The following ZNF236 variants were observed in gnomAD, a reference collection of about 807,000 sequenced individuals.
ZNF236 encodes the protein regulated by glucose.
Under a neutral mutation model 191.2 loss-of-function variants are expected in ZNF236, and 50 were observed. The observed-to-expected ratio is 0.26, with a 90% confidence interval of 0.21 to 0.33. The LOEUF is 0.33. Among genes scored for constraint, ZNF236 ranks in the 10% least tolerant of loss-of-function variants. ZNF236 has a pLI of 1.00. For synonymous variants in ZNF236, 907 were observed against 928.8 expected (o/e 0.98, Z 0.43); for missense variants, 1,754 against 2,374.5 (o/e 0.74, Z 5.43).
chr18:76,926,416 G>A (rs1246048606), intron 22 of ZNF236, among the ~76,000 whole-genome samples: 1 of 152,156 alleles, frequency 6.6e-6, no homozygotes, highest in African/African-American at 2.4e-5. Context: ...ATTAGACAGT[G>A]TATTTGTGTA....
chr18:76,880,984 T>A lies in ZNF236; in HGVS notation c.1189-300T>A, dbSNP rs759404921. On this transcript the variant is annotated intron_variant, in intron 8 of 30. Transcript: ENST00000320610. This position sits in a 1 kb window ranked among gnomAD's most constrained non-coding sequence, Gnocchi z 5.0. ...TTAAAATAGGGATTCCCAAGACTAT[T>A]TAGAGACAACCAAAGTTGTGTGAGG... Among the ~76,000 whole-genome samples, 2 of 152,192 alleles carry A rather than the reference T, an allele frequency of 1.3e-5. No homozygotes were observed. The highest frequency in any genetic ancestry group is 2.9e-5 in the Non-Finnish European group (2 of 68,028).
Position 76,960,151 on chromosome 18 carries a change from A to G in ZNF236, c.5242+335A>G, listed in dbSNP as rs1279157507. ...CCAGTGCCTGGGTCCCATGTCCTCAATGTCACCGGGGAACTTAATTTTTAA... is the reference window on the plus strand; with the variant it reads ...CCAGTGCCTGGGTCCCATGTCCTCAGTGTCACCGGGGAACTTAATTTTTAA... On this transcript the variant is annotated intron_variant, in intron 29 of 30. Coordinates refer to ENST00000320610, the MANE Select transcript of ZNF236 (RefSeq NM_001306089.2). The surrounding 1 kb of genome is among the most constrained non-coding windows in gnomAD (Gnocchi z 4.4). Among the ~76,000 whole-genome samples, 1 of 152,096 alleles carries G rather than the reference A, an allele frequency of 6.6e-6. No individual in the cohort carries two copies. Among genetic ancestry groups the G allele is most frequent in the African/African-American group, 2.4e-5 (1 of 41,402 alleles).
At chr18:76,899,942 C>G (rs936427861) in intron 11 of ZNF236, among the ~76,000 whole-genome samples, 2 of 152,170 alleles carry the variant, frequency 1.3e-5, no homozygotes, top group Admixed American at 6.5e-5. Flanking sequence ...CTAGTGAGGT[C>G]TCTCTTCCTC....
chr18:76,848,790 C>T (rs1184025870), intron 1 of ZNF236, among the ~76,000 whole-genome samples: 6 of 152,080 alleles, frequency 3.9e-5, no homozygotes, highest in Non-Finnish European at 5.9e-5. Context: ...CTCAGCCTCC[C>T]GAATAGGTAG....
chr18:76,849,954 A>G (rs183405777), intron 2 of ZNF236, among the ~76,000 whole-genome samples: 146 of 152,316 alleles, frequency 9.6e-4, no homozygotes, highest in Middle Eastern at 6.8e-3. Flanking sequence ...AGTAGTTTCA[A>G]TTTCCTGTAT....
At chr18:76,882,228 G>A (rs1170298108) in intron 9 of ZNF236, among the ~76,000 whole-genome samples, 1 of 152,058 alleles carries the variant, frequency 6.6e-6, no homozygotes, top group Non-Finnish European at 1.5e-5. Context: ...TCAAATCTTG[G>A]CCGTCATTCA....
In ZNF236 at chr18:76,927,231, A is replaced by G; in HGVS notation, c.4174-46A>G. 1 of 1,611,828 alleles carries G rather than the reference A, an allele frequency of 6.2e-7. No individual in the cohort carries two copies. Among genetic ancestry groups the G allele is most frequent in the Non-Finnish European group, 8.5e-7 (1 of 1,178,036 alleles). Reference sequence around the variant, plus strand: ...TGTGCTGTAATTCTCTTGGCATCACAGAGAAGCATGAAGTTTTCATTACAA... The same window carrying G: ...TGTGCTGTAATTCTCTTGGCATCACGGAGAAGCATGAAGTTTTCATTACAA... On this transcript the variant is annotated intron_variant, in intron 23 of 30. Coordinates refer to ENST00000320610, the MANE Select transcript of ZNF236 (RefSeq NM_001306089.2). The surrounding 1 kb of genome is among the most constrained non-coding windows in gnomAD (Gnocchi z 5.4).
In ZNF236 at chr18:76,915,837, C is replaced by T. The variant is rs765196842; in HGVS notation, c.3252C>T (p.Ala1084=). The T allele has an allele frequency of 5.0e-6, 8 of 1,613,422 alleles. No individual in the cohort carries two copies. In the South Asian group the frequency reaches 8.8e-5, roughly 18 times the overall value. Residue 1084 remains alanine, a synonymous_variant, in exon 19 of 31, where the codon GCC becomes GCT. Coordinates refer to ENST00000320610, the MANE Select transcript of ZNF236 (RefSeq NM_001306089.2). ...RHQTVPSAVS[A]TGETEGGDIC... ...AAACAGTCCCCTCTGCTGTGTCAGC[C>T]ACTGGAGAGACAGAAGGAGGAGGTA...
At chr18:76,928,218 G>T in intron 25 of ZNF236, 112 bp downstream of exon 25, 1 of 771,162 alleles carries the variant, frequency 1.3e-6, no homozygotes, top group Non-Finnish European at 1.8e-6. Flanking sequence ...TGCTCAATAT[G>T]TATTTATAAT....
chr18:76,931,897 A>C (rs912501222), intron 25 of ZNF236, among the ~76,000 whole-genome samples: 10 of 152,198 alleles, frequency 6.6e-5, no homozygotes, highest in African/African-American at 2.4e-4. Context: ...AGGAAAAAAA[A>C]ACTAATCTTC....
rs550566392 is a variant in ZNF236, at chr18:76,960,873, G to A, written c.5419+18G>A. On this transcript the variant is annotated intron_variant, in intron 30 of 30. Coordinates refer to ENST00000320610, the MANE Select transcript of ZNF236 (RefSeq NM_001306089.2). The surrounding 1 kb of genome is among the most constrained non-coding windows in gnomAD (Gnocchi z 4.4). ...CTATGCTGGTGAGAATGCTGCACCCGGGAGTGCGTGCTGTTCGGTGGCCTG... is the reference window on the plus strand; with the variant it reads ...CTATGCTGGTGAGAATGCTGCACCCAGGAGTGCGTGCTGTTCGGTGGCCTG... The A allele has an allele frequency of 1.4e-5, 22 of 1,601,614 alleles. No homozygotes were observed. Among genetic ancestry groups the A allele is most frequent in the Admixed American group, 1.0e-4 (6 of 58,978 alleles).
chr18:76,934,432 T>C (rs1967941613), intron 25 of ZNF236, among the ~76,000 whole-genome samples: 2 of 152,224 alleles, frequency 1.3e-5, no homozygotes, highest in Non-Finnish European at 2.9e-5. Context: ...AGCACAACTT[T>C]TTAAGGAATT....
intron 27 of ZNF236, among the ~76,000 whole-genome samples, chr18:76,953,465 G>A (rs868326181): frequency 3.9e-5 from 6 of 152,292 alleles, no homozygotes; most frequent in South Asian, 2.1e-4. Flanking sequence ...TCACGGCCCC[G>A]TTTTACTCAC....
intron 5 of ZNF236, among the ~76,000 whole-genome samples, chr18:76,873,038 T>A (rs1230645487): frequency 6.6e-6 from 1 of 152,248 alleles, no homozygotes; most frequent in Non-Finnish European, 1.5e-5. Flanking sequence ...CAGTTTTTAT[T>A]TATTTTCTAG....
At chr18:76,826,053 G>GA (rs1209103691) in intron 1 of ZNF236, among the ~76,000 whole-genome samples, 1 of 152,040 alleles carries the variant, frequency 6.6e-6, no homozygotes, top group African/African-American at 2.4e-5. Flanking sequence ...TCATTCCTAA[G>GA]AAAACTCTGC....
rs1442147935 is a variant in ZNF236 at position 76,956,007 on chromosome 18, T to C, written c.4937T>C (p.Leu1646Pro). 2 of 1,610,142 alleles carry C rather than the reference T, an allele frequency of 1.2e-6. No individual in the cohort carries two copies. Among genetic ancestry groups the C allele is most frequent in the Non-Finnish European group, 1.7e-6 (2 of 1,179,404 alleles). ...AYQVAGVSGN[L>P]APGNQPEKEG... Reference sequence around the variant, plus strand: ...CAGGTAGCTGGCGTCTCTGGGAACCTGGCCCCGGGCAACCAGCCAGAGAAG... The same window carrying C: ...CAGGTAGCTGGCGTCTCTGGGAACCCGGCCCCGGGCAACCAGCCAGAGAAG... Residue 1646 changes from leucine (L) to proline (P), a missense_variant, in exon 28 of 31, where the codon CTG (leucine) becomes CCG (proline). Coordinates refer to ENST00000320610, the MANE Select transcript of ZNF236 (RefSeq NM_001306089.2).
At position 76,904,448 on chromosome 18, in the gene ZNF236, G is replaced by A; in HGVS notation, c.1963G>A (p.Ala655Thr). 8 of 1,611,282 alleles carry A rather than the reference G, an allele frequency of 5.0e-6. No individual in the cohort carries two copies. Among genetic ancestry groups the A allele is most frequent in the Non-Finnish European group, 6.8e-6 (8 of 1,178,816 alleles). ...TTTCAATAATAATTTTGTCAATGAA[G>A]CAGATAGACCATACAAGTGTTTTTA... ...SYFNNNFVNEADRPYKCFYCH... is the reference protein window; with the variant it reads ...SYFNNNFVNETDRPYKCFYCH... Residue 655 changes from alanine (A) to threonine (T), a missense_variant, in exon 12 of 31, where the codon GCA becomes ACA. By Grantham distance (58) the Ala-to-Thr change is moderately conservative (BLOSUM62 0). This residue lies in a region of ZNF236 where 641 missense variants were observed against 869.6 expected (regional missense o/e 0.74). Coordinates refer to ENST00000320610, the MANE Select transcript of ZNF236 (RefSeq NM_001306089.2).
intron 1 of ZNF236, among the ~76,000 whole-genome samples, chr18:76,825,569 C>T (rs372304351): frequency 2.2e-4 from 33 of 151,906 alleles, no homozygotes; most frequent in Non-Finnish European, 2.9e-4. Context: ...TTCTGTTAAT[C>T]GAGACATTAC....
Position 76,919,693 on chromosome 18 carries a change from T to C in ZNF236, c.3275-83T>C, listed in dbSNP as rs1263570137. 6.8e-7 allele frequency: 1 copy of C among 1,472,708 alleles called. No homozygotes were observed. Among genetic ancestry groups the C allele is most frequent in the Non-Finnish European group, 9.3e-7 (1 of 1,071,462 alleles). The allele number at this position is 1,472,708 out of a possible 1,614,324, so 91.2% of individuals were successfully genotyped here. A position where few individuals can be genotyped will look rare whatever the true frequency, so the allele number is the denominator to read the frequency against. On this transcript the variant is annotated intron_variant, in intron 19 of 30. Coordinates refer to ENST00000320610, the MANE Select transcript of ZNF236 (RefSeq NM_001306089.2). The surrounding 1 kb of genome is among the most constrained non-coding windows in gnomAD (Gnocchi z 5.3). ...GAGTTATTAATTTTCATTACATACA[T>C]ACCTATTTAGTTTTAATTGTTTTGC...
Sources: allele counts gnomAD v4.1 joint callset (sites outside exome capture counted in the v4.1 genomes callset), GRCh38; gene constraint gnomAD v4.1.1; regional missense constraint gnomAD v4.1.1; non-coding constraint Gnocchi (gnomAD v3.1); transcripts MANE v1.5; gene names NCBI Gene and HGNC (gene_info 2026-07-23, HGNC 2026-07-21).